The following IGF2BP3 variants were observed in gnomAD, a reference collection of about 807,000 sequenced individuals.
The protein encoded by IGF2BP3 is insulin-like growth factor 2 mRNA-binding protein 3.
In IGF2BP3, 9 loss-of-function variants were observed where a neutral mutation model predicts 73.8. That is an observed-to-expected ratio of 0.12 (90% CI 0.07 to 0.21). The LOEUF (loss-of-function observed/expected upper bound fraction) is 0.21. Among genes scored for constraint, IGF2BP3 ranks in the 10% least tolerant of loss-of-function variants. IGF2BP3 has a pLI of 1.00. For synonymous variants in IGF2BP3, 258 were observed against 256.7 expected (o/e 1.01, Z -0.05); for missense variants, 542 against 714.0 (o/e 0.76, Z 2.75).
intron 8 of IGF2BP3, among the ~76,000 whole-genome samples, chr7:23,344,879 C>G (rs3807462): frequency 0.12 from 18,944 of 152,292 alleles, 1,452 homozygotes; most frequent in Non-Finnish European, 0.18. Context: ...CTAATTCAGT[C>G]TCAACCTGGC....
chr7:23,396,899 G>A (rs946053793), intron 3 of IGF2BP3, among the ~76,000 whole-genome samples: 3 of 152,126 alleles, frequency 2.0e-5, no homozygotes, highest in African/African-American at 4.8e-5. Flanking sequence ...TGTCTTATTC[G>A]CTGGTTCTCA....
At chr7:23,325,869 A>G (rs1226568081) in intron 10 of IGF2BP3, among the ~76,000 whole-genome samples, 9 of 152,346 alleles carry the variant, frequency 5.9e-5, no homozygotes, top group Non-Finnish European at 1.0e-4. Context: ...AAAACTGGCT[A>G]GCCATATGTA....
chr7:23,398,975 G>A (rs1786570310), intron 3 of IGF2BP3, among the ~76,000 whole-genome samples: 2 of 152,270 alleles, frequency 1.3e-5, no homozygotes, highest in African/African-American at 4.8e-5. Flanking sequence ...TAGACATGAA[G>A]TCCTTGCCCA....
intron 2 of IGF2BP3, among the ~76,000 whole-genome samples, chr7:23,430,268 AG>A (rs1165797515): frequency 1.1e-4 from 16 of 152,100 alleles, no homozygotes; most frequent in Non-Finnish European, 2.1e-4. Context: ...TATTTTTAGT[AG>A]AGACGGGGTT....
intron 2 of IGF2BP3, among the ~76,000 whole-genome samples, chr7:23,460,354 C>G (rs1019865626): frequency 1.3e-5 from 2 of 151,766 alleles, no homozygotes; most frequent in African/African-American, 4.8e-5. Context: ...ATGGTGAAAC[C>G]CTGTCTCTAC....
chr7:23,378,699 G>A (rs985497394), intron 3 of IGF2BP3, among the ~76,000 whole-genome samples: 3 of 146,162 alleles, frequency 2.1e-5, no homozygotes, highest in East Asian at 2.2e-4. Flanking sequence ...TCAGCCTCCC[G>A]AGTAGCTGGG....
At chr7:23,433,486 ATT>A (rs568295259) in intron 2 of IGF2BP3, among the ~76,000 whole-genome samples, 29 of 142,836 alleles carry the variant, frequency 2.0e-4, no homozygotes, top group Admixed American at 2.1e-4. Context: ...ATAATAACTA[ATT>A]TTTTTTTTTT....
intron 2 of IGF2BP3, among the ~76,000 whole-genome samples, chr7:23,431,001 A>G (rs1161513400): frequency 6.6e-6 from 1 of 152,246 alleles, no homozygotes; most frequent in African/African-American, 2.4e-5. Flanking sequence ...TGTTCACTGA[A>G]AAAAGTGCAT....
chr7:23,349,627 C>G (rs988345290), intron 6 of IGF2BP3, among the ~76,000 whole-genome samples: 2 of 152,182 alleles, frequency 1.3e-5, no homozygotes, highest in Admixed American at 1.3e-4. Flanking sequence ...CCTCTGAGAC[C>G]ATTCCAGAAA....
rs34445764 is a variant in IGF2BP3, at chr7:23,350,288, G to GA, written c.683+1016dup. On this transcript the variant is annotated intron_variant, in intron 6 of 14. Transcript: ENST00000258729. ...TAAGCTTATTTCGTTGGATCACACT[G>GA]AAAAAAAAGAATTCTCCTTTCTAAA... 3.6e-4 allele frequency among the ~76,000 whole-genome samples: 54 copies of GA among 151,876 alleles called. No individual in the cohort carries two copies. The East Asian group carries it at 8.1e-3, about 23-fold the overall frequency.
At position 23,398,569 on chromosome 7, in the gene IGF2BP3, G is replaced by C. The variant is rs1366446411; in HGVS notation, c.285+20207C>G. ...TCCTATTTCTCCACATCCTCTCCAG[G>C]ACCTGTTGCTTCCTGACTTTTTAAT... is the stretch of plus-strand genomic sequence containing the variant. On this transcript the variant is annotated intron_variant, in intron 3 of 14. Coordinates refer to ENST00000258729, the MANE Select transcript of IGF2BP3 (RefSeq NM_006547.3). Among the ~76,000 whole-genome samples the C allele has an allele frequency of 7.9e-5, 12 of 152,202 alleles. No individual in the cohort carries two copies. In the East Asian group the frequency reaches 1.5e-3, roughly 20 times the overall value.
intron 2 of IGF2BP3, among the ~76,000 whole-genome samples, chr7:23,445,672 T>C (rs1238835829): frequency 6.6e-6 from 1 of 152,130 alleles, no homozygotes; most frequent in Non-Finnish European, 1.5e-5. Flanking sequence ...CCAATATTGT[T>C]ATAGATAGCA....
intron 2 of IGF2BP3, among the ~76,000 whole-genome samples, chr7:23,437,590 T>C (rs1318970491): frequency 1.3e-5 from 2 of 152,208 alleles, no homozygotes; most frequent in Non-Finnish European, 1.5e-5. Context: ...ACAATTCATA[T>C]TTATGCCAAT....
intron 2 of IGF2BP3, among the ~76,000 whole-genome samples, chr7:23,423,611 G>A (rs753607125): frequency 2.0e-5 from 3 of 152,114 alleles, no homozygotes; most frequent in Admixed American, 6.6e-5. Context: ...AACAGTGCTT[G>A]GCATCTGATA....
At chr7:23,327,840 G>C (rs1299307435) in intron 10 of IGF2BP3, among the ~76,000 whole-genome samples, 1 of 152,074 alleles carries the variant, frequency 6.6e-6, no homozygotes, top group Non-Finnish European at 1.5e-5. Flanking sequence ...TGTGAGCCCA[G>C]AGCAGAGGCA....
chr7:23,451,616 T>C (rs1298950817), intron 2 of IGF2BP3, among the ~76,000 whole-genome samples: 1 of 151,846 alleles, frequency 6.6e-6, no homozygotes, highest in Non-Finnish European at 1.5e-5. Flanking sequence ...AAAACAGACC[T>C]CTATCATTCC....
Position 23,469,553 on chromosome 7 carries a change from A to C in IGF2BP3, c.175+383T>G. On this transcript the variant is annotated intron_variant, in intron 1 of 14. Transcript: ENST00000258729. The surrounding 1 kb of genome is among the most constrained non-coding windows in gnomAD (Gnocchi z 6.1). ...TAAATAACGACCGAGGAAAGCAGGA[A>C]GGAACGAGGCACAGGCGGGCATTCT... is the stretch of plus-strand genomic sequence containing the variant. 1 of 153,364 alleles carries C rather than the reference A, an allele frequency of 6.5e-6. No individual in the cohort carries two copies. The highest frequency in any genetic ancestry group is 1.5e-5 in the Non-Finnish European group (1 of 68,852). The allele number at this position is 153,364 out of a possible 1,614,324, so 9.5% of individuals were successfully genotyped here.
intron 3 of IGF2BP3, among the ~76,000 whole-genome samples, chr7:23,405,590 C>T (rs1322031702): frequency 6.6e-6 from 1 of 152,146 alleles, no homozygotes; most frequent in African/African-American, 2.4e-5. Context: ...AATGCCTGAG[C>T]CCCGCCTCCT....
intron 10 of IGF2BP3, among the ~76,000 whole-genome samples, chr7:23,328,588 T>C (rs998889369): frequency 3.9e-5 from 6 of 152,184 alleles, no homozygotes; most frequent in African/African-American, 1.4e-4. Flanking sequence ...CTTTTGCCTA[T>C]TTTCCAATAA....
Sources: allele counts gnomAD v4.1 joint callset (sites outside exome capture counted in the v4.1 genomes callset), GRCh38; gene constraint gnomAD v4.1.1; non-coding constraint Gnocchi (gnomAD v3.1); transcripts MANE v1.5; gene names NCBI Gene and HGNC (gene_info 2026-07-23, HGNC 2026-07-21).